Variants in RASGRF1 observed in about 807,000 individuals in gnomAD.
RASGRF1 encodes the protein ras-specific guanine nucleotide-releasing factor 1.
A neutral mutation model predicts 138.7 loss-of-function variants in RASGRF1; 40 were observed. The ratio of observed to expected loss-of-function variants is 0.29; its 90% CI spans 0.22 to 0.38. The LOEUF is 0.38. Among genes scored for constraint, RASGRF1 ranks in the 10% least tolerant of loss-of-function variants. RASGRF1 has a pLI of 1.00. For synonymous variants in RASGRF1, 614 were observed against 663.2 expected (o/e 0.93, Z 1.14); for missense variants, 1,108 against 1,650.4 (o/e 0.67, Z 5.69).
At chr15:78,977,180 C>A (rs887633007) in intron 24 of RASGRF1, among the ~76,000 whole-genome samples, 4 of 152,252 alleles carry the variant, frequency 2.6e-5, no homozygotes, top group African/African-American at 9.6e-5. Flanking sequence ...GAGTCCACCT[C>A]CCCTTCCTCT....
intron 1 of RASGRF1, among the ~76,000 whole-genome samples, chr15:79,070,667 T>C (rs2057743437): frequency 6.6e-6 from 1 of 152,186 alleles, no homozygotes; most frequent in East Asian, 1.9e-4. Context: ...CTTCCTTGCA[T>C]GATTGTTGTG....
intron 13 of RASGRF1, among the ~76,000 whole-genome samples, chr15:79,008,157 G>T (rs1260429316): frequency 1.3e-5 from 2 of 152,180 alleles, no homozygotes; most frequent in Non-Finnish European, 2.9e-5. Flanking sequence ...TTCTTTCGAG[G>T]GTATCTTCTA....
At chr15:79,019,219 G>A (rs1270449827) in intron 11 of RASGRF1, among the ~76,000 whole-genome samples, 3 of 152,184 alleles carry the variant, frequency 2.0e-5, no homozygotes, top group Non-Finnish European at 4.4e-5. Context: ...CACGGGTCCT[G>A]CTGGTGTCCC....
intron 3 of RASGRF1, among the ~76,000 whole-genome samples, chr15:79,051,078 G>C (rs1018437949): frequency 6.6e-6 from 1 of 152,182 alleles, no homozygotes; most frequent in African/African-American, 2.4e-5. Flanking sequence ...CAGTAATGAA[G>C]CCCCACATGT....
At chr15:79,024,277 A>G (rs2057012799) in intron 10 of RASGRF1, among the ~76,000 whole-genome samples, 1 of 152,018 alleles carries the variant, frequency 6.6e-6, no homozygotes, top group African/African-American at 2.4e-5. Flanking sequence ...AAGACAATAC[A>G]TATACACACA....
chr15:79,035,841 G>T (rs905069320), intron 5 of RASGRF1, among the ~76,000 whole-genome samples: 1 of 152,218 alleles, frequency 6.6e-6, no homozygotes, highest in Non-Finnish European at 1.5e-5. Flanking sequence ...CTCAGAAAAC[G>T]CTAGTTTCCC....
intron 23 of RASGRF1, among the ~76,000 whole-genome samples, chr15:78,984,009 C>T (rs1284805124): frequency 6.6e-6 from 1 of 152,132 alleles, no homozygotes; most frequent in African/African-American, 2.4e-5. Context: ...ATGAGTTTGG[C>T]TGCTAAGTAG....
intron 26 of RASGRF1, among the ~76,000 whole-genome samples, chr15:78,962,512 T>C (rs1361140351): frequency 6.6e-6 from 1 of 152,250 alleles, no homozygotes; most frequent in Non-Finnish European, 1.5e-5. Context: ...GGCAGATATA[T>C]GTGTTCACAA....
intron 26 of RASGRF1, among the ~76,000 whole-genome samples, chr15:78,962,900 A>C (rs950373801): frequency 6.6e-6 from 1 of 151,948 alleles, no homozygotes; most frequent in Non-Finnish European, 1.5e-5. Context: ...TAAAATAAAA[A>C]GTTTTATAAT....
At chr15:79,025,050 C>T (rs1301831060) in intron 10 of RASGRF1, among the ~76,000 whole-genome samples, 1 of 151,028 alleles carries the variant, frequency 6.6e-6, no homozygotes, top group African/African-American at 2.5e-5. Context: ...CCCTCTGGCT[C>T]CTCTGCCCAG....
At chr15:79,005,489 C>T (rs2056649930) in intron 14 of RASGRF1, 1 of 985,370 alleles carries the variant, frequency 1.0e-6, no homozygotes, top group Non-Finnish European at 1.2e-6. Flanking sequence ...AAGATAATCA[C>T]CTACCATTCC....
intron 1 of RASGRF1, among the ~76,000 whole-genome samples, chr15:79,082,331 G>T (rs1197904075): frequency 6.6e-6 from 1 of 152,174 alleles, no homozygotes; most frequent in Non-Finnish European, 1.5e-5. Context: ...GGTCCCTTCT[G>T]GGAAAAGCCA....
intron 5 of RASGRF1, among the ~76,000 whole-genome samples, chr15:79,041,752 C>G (rs539954146): frequency 6.6e-6 from 1 of 152,320 alleles, no homozygotes; most frequent in East Asian, 1.9e-4. Context: ...AGGACAGAAC[C>G]AGGCCCCCTC....
At chr15:79,078,574 T>C (rs911770552) in intron 1 of RASGRF1, among the ~76,000 whole-genome samples, 1 of 152,072 alleles carries the variant, frequency 6.6e-6, no homozygotes, top group African/African-American at 2.4e-5. Context: ...CCCCACTAGA[T>C]CCCCCACACC....
intron 24 of RASGRF1, chr15:78,980,171 T>C (rs1467634355): frequency 6.5e-6 from 1 of 152,926 alleles, no homozygotes; most frequent in Non-Finnish European, 1.5e-5. Context: ...ACTGTATTTT[T>C]TTAATTCCCG....
chr15:79,013,429 C>T (rs2056830653), intron 13 of RASGRF1, among the ~76,000 whole-genome samples: 2 of 152,366 alleles, frequency 1.3e-5, no homozygotes, highest in African/African-American at 4.8e-5. Flanking sequence ...ACAGTAGGTT[C>T]ATAAAGGACT....
At chr15:79,024,613 T>C (rs994273529) in intron 10 of RASGRF1, among the ~76,000 whole-genome samples, 11 of 152,174 alleles carry the variant, frequency 7.2e-5, no homozygotes, top group African/African-American at 1.7e-4. Context: ...ATTCTTGTGA[T>C]ATTGAATAAG....
At position 79,031,693 on chromosome 15, in the gene RASGRF1, G is replaced by GGA. The variant is rs143486022; in HGVS notation, c.1153-186_1153-185dup. On this transcript the variant is annotated intron_variant, in intron 7 of 26. Coordinates refer to ENST00000558480, the MANE Select transcript of RASGRF1 (RefSeq NM_001145648.3). ...GAGGTGGCGAGGGCGGGGGAAAGGG[G>GGA]GAGAGAGAGAGAGAGAGCGCGTGAG... Among the ~76,000 whole-genome samples, 732 of 146,100 alleles carry GGA rather than the reference G, an allele frequency of 5.0e-3. 1 individual carries two copies. The highest frequency in any genetic ancestry group is 9.6e-3 in the African/African-American group (375 of 39,250).
At chr15:78,971,429 A>G (rs907089237) in intron 26 of RASGRF1, among the ~76,000 whole-genome samples, 4 of 152,230 alleles carry the variant, frequency 2.6e-5, no homozygotes, top group Non-Finnish European at 4.4e-5. Context: ...TGGTATGCAA[A>G]GTTGGCTTGT....
Sources: gnomAD v4.1 joint callset for allele counts (sites outside exome capture counted in the v4.1 genomes callset) on GRCh38, gnomAD v4.1.1 for gene constraint, MANE v1.5 for transcripts, NCBI Gene and HGNC (gene_info 2026-07-23, HGNC 2026-07-21) for gene names.